PLCB4: variants seen among roughly 807,000 people sequenced by gnomAD.
PLCB4 encodes phospholipase C beta 4, also known as 1-phosphatidylinositol 4,5-bisphosphate phosphodiesterase beta-4.
PLCB4 carries 77 observed loss-of-function variants against 178.8 expected under a neutral mutation model. That is an observed-to-expected ratio of 0.43 (90% confidence interval 0.36 to 0.52). PLCB4 has a LOEUF of 0.52. Ranked by LOEUF, PLCB4 falls within the 20% of genes least tolerant of loss-of-function variation. The pLI is 0.00. For missense variants in PLCB4, 1,024 were observed against 1,453.4 expected (o/e 0.70, Z 4.80); for synonymous variants, 496 against 490.8 (o/e 1.01, Z -0.14).
At chr20:9,130,560 G>C (rs2146809399) in intron 2 of PLCB4, among the ~76,000 whole-genome samples, 1 of 152,288 alleles carries the variant, frequency 6.6e-6, no homozygotes, top group Non-Finnish European at 1.5e-5. Flanking sequence ...CCTCTTTAAA[G>C]TCATTGAAAG....
Position 9,452,227 on chromosome 20 carries a change from G to C in PLCB4, c.2881-1120G>C, listed in dbSNP as rs991977927. Among the ~76,000 whole-genome samples, 3 of 152,268 alleles carry C rather than the reference G, an allele frequency of 2.0e-5. No homozygotes were observed. The East Asian group carries it at 5.8e-4, about 29-fold the overall frequency. ...GGGAAATTAAGGAAGTCTTGGTAAAGACTTAAAAATTCCTTCCCCATTTAT... is the reference window on the plus strand; with the variant it reads ...GGGAAATTAAGGAAGTCTTGGTAAACACTTAAAAATTCCTTCCCCATTTAT... On this transcript the variant is annotated intron_variant, in intron 32 of 39. Coordinates refer to ENST00000378473, the MANE Select transcript of PLCB4 (RefSeq NM_001377142.1).
chr20:9,219,314 G>A (rs910223517), intron 3 of PLCB4, among the ~76,000 whole-genome samples: 2 of 152,038 alleles, frequency 1.3e-5, no homozygotes. Context: ...CTAAAAATAC[G>A]AAAAATTAGC....
At chr20:9,293,841 A>G (rs1185558472) in intron 3 of PLCB4, among the ~76,000 whole-genome samples, 1 of 152,174 alleles carries the variant, frequency 6.6e-6, no homozygotes, top group Non-Finnish European at 1.5e-5. Context: ...TTCTTTAAAT[A>G]ATAACCAGTA....
chr20:9,077,457 A>G (rs2089926171), intron 1 of PLCB4, among the ~76,000 whole-genome samples: 1 of 152,240 alleles, frequency 6.6e-6, no homozygotes, highest in Non-Finnish European at 1.5e-5. Flanking sequence ...CATGTCCCAC[A>G]TTGTTACCTC....
At chr20:9,129,900 G>A (rs1342629829) in intron 2 of PLCB4, among the ~76,000 whole-genome samples, 1 of 152,082 alleles carries the variant, frequency 6.6e-6, no homozygotes, top group East Asian at 1.9e-4. Context: ...TTGTTGGATA[G>A]GATAGTTGTT....
At chr20:9,101,711 G>T (rs767145371) in intron 2 of PLCB4, among the ~76,000 whole-genome samples, 5 of 152,038 alleles carry the variant, frequency 3.3e-5, no homozygotes, top group African/African-American at 4.8e-5. Context: ...TAGTAGCATG[G>T]CTTATACAAG....
intron 3 of PLCB4, among the ~76,000 whole-genome samples, chr20:9,246,304 A>G (rs1340337076): frequency 6.6e-6 from 1 of 152,090 alleles, no homozygotes; most frequent in Non-Finnish European, 1.5e-5. Context: ...TTACCACTAT[A>G]CATACCTTCA....
intron 1 of PLCB4, among the ~76,000 whole-genome samples, chr20:9,090,225 A>ATGTGTGTGTGTGTGTGTGTG (rs11087835): frequency 6.7e-6 from 1 of 149,412 alleles, no homozygotes; most frequent in African/African-American, 2.5e-5. Flanking sequence ...AATACTATTT[A>ATGTGTGTGTGTGTGTGTGTG]TGTGTGTGTG....
intron 34 of PLCB4, among the ~76,000 whole-genome samples, chr20:9,459,358 A>T (rs556074524): frequency 6.6e-6 from 1 of 152,108 alleles, no homozygotes; most frequent in African/African-American, 2.4e-5. Flanking sequence ...AACAAAACAA[A>T]CAAACAAAAA....
At chr20:9,429,208 G>A (rs2041230542) in intron 28 of PLCB4, among the ~76,000 whole-genome samples, 2 of 152,134 alleles carry the variant, frequency 1.3e-5, no homozygotes, top group African/African-American at 4.8e-5. Context: ...AGAATCTAGG[G>A]TGTTTTAGGC....
intron 26 of PLCB4, among the ~76,000 whole-genome samples, chr20:9,420,569 T>C (rs2040561981): frequency 6.6e-6 from 1 of 152,124 alleles, no homozygotes; most frequent in Non-Finnish European, 1.5e-5. Flanking sequence ...CCTCAGGTGA[T>C]CTACCTGCCT....
intron 4 of PLCB4, among the ~76,000 whole-genome samples, chr20:9,308,621 G>T (rs1321181547): frequency 6.6e-6 from 1 of 152,120 alleles, no homozygotes; most frequent in African/African-American, 2.4e-5. Flanking sequence ...GTCAGAGTTG[G>T]TTCCTTTCAA....
intron 2 of PLCB4, among the ~76,000 whole-genome samples, chr20:9,189,584 G>A (rs370113928): frequency 9.8e-5 from 15 of 152,306 alleles, no homozygotes; most frequent in African/African-American, 3.4e-4. Flanking sequence ...TAGATGCCAG[G>A]AGCATACTGT....
intron 2 of PLCB4, among the ~76,000 whole-genome samples, chr20:9,099,738 C>T (rs1201719154): frequency 2.0e-5 from 3 of 152,016 alleles, no homozygotes; most frequent in South Asian, 2.1e-4. Context: ...CCCTATAAAT[C>T]GTGGGAGATT....
intron 2 of PLCB4, among the ~76,000 whole-genome samples, chr20:9,157,436 G>A (rs2092810449): frequency 6.6e-6 from 1 of 152,080 alleles, no homozygotes; most frequent in Non-Finnish European, 1.5e-5. Context: ...ATACATTTTG[G>A]TTGGTGTCAT....
intron 4 of PLCB4, among the ~76,000 whole-genome samples, chr20:9,312,919 A>G (rs534303758): frequency 6.6e-6 from 1 of 152,338 alleles, no homozygotes; most frequent in African/African-American, 2.4e-5. Flanking sequence ...TCATTATAGA[A>G]TAACAGCAGA....
intron 7 of PLCB4, 54 bp from the exon 8 acceptor site, chr20:9,362,842 C>G: frequency 8.9e-7 from 1 of 1,123,454 alleles, no homozygotes; most frequent in Non-Finnish European, 1.4e-6. Context: ...AAAAACTGCT[C>G]TATTTGACTC....
intron 2 of PLCB4, among the ~76,000 whole-genome samples, chr20:9,197,927 A>G (rs2093492782): frequency 6.6e-6 from 1 of 152,210 alleles, no homozygotes; most frequent in Admixed American, 6.5e-5. Context: ...GTGAGCCGAG[A>G]TTGTGCCATT....
intron 2 of PLCB4, among the ~76,000 whole-genome samples, chr20:9,165,457 T>C (rs972187897): frequency 1.3e-5 from 2 of 152,148 alleles, no homozygotes; most frequent in African/African-American, 4.8e-5. Flanking sequence ...GATTAAAAAT[T>C]GGCAAATGAA....
Sources: allele counts gnomAD v4.1 joint callset (sites outside exome capture counted in the v4.1 genomes callset), GRCh38; gene constraint gnomAD v4.1.1; transcripts MANE v1.5; gene names NCBI Gene and HGNC (gene_info 2026-07-23, HGNC 2026-07-21).